Variants in LRRC7 observed in about 807,000 individuals in gnomAD.
The protein encoded by LRRC7 is leucine rich repeat containing 7, also known as leucine-rich repeat-containing protein 7.
Under a neutral mutation model 175.7 loss-of-function variants are expected in LRRC7, and 23 were observed. That is an observed-to-expected ratio of 0.13 (90% CI 0.09 to 0.19). LRRC7 has a LOEUF of 0.19. Among genes scored for constraint, LRRC7 ranks in the 10% least tolerant of loss-of-function variants. LRRC7 has a pLI of 1.00. For missense variants in LRRC7, 1,354 were observed against 1,904.7 expected, an observed-to-expected ratio of 0.71 and a Z score of 5.38; for synonymous variants, 685 against 680.9, an observed-to-expected ratio of 1.01 and a Z score of -0.09.
At chr1:69,718,026 GAAA>G (rs1289807714) in intron 2 of LRRC7, among the ~76,000 whole-genome samples, 1 of 140,970 alleles carries the variant, frequency 7.1e-6, no homozygotes, top group Non-Finnish European at 1.6e-5. Context: ...AGACTAGAAA[GAAA>G]AAGAAGAAAG....
At chr1:70,097,408 A>G (rs1434323691) in intron 25 of LRRC7, among the ~76,000 whole-genome samples, 1 of 151,962 alleles carries the variant, frequency 6.6e-6, no homozygotes, top group Non-Finnish European at 1.5e-5. Context: ...CACTTCAAAA[A>G]CCTTATTTTA....
chr1:69,856,363 T>C (rs1683625829), intron 7 of LRRC7, among the ~76,000 whole-genome samples: 1 of 151,996 alleles, frequency 6.6e-6, no homozygotes, highest in Admixed American at 6.6e-5. Flanking sequence ...GATAGACCAC[T>C]AGCAAGACTA....
chr1:70,119,668 A>AC (rs2102241244), intron 26 of LRRC7, among the ~76,000 whole-genome samples: 1 of 152,280 alleles, frequency 6.6e-6, no homozygotes, highest in South Asian at 2.1e-4. Context: ...GATATTTTTA[A>AC]CATTGATACG....
chr1:69,913,499 C>T lies in LRRC7; in HGVS notation c.648-18008C>T, dbSNP rs140520253. 3.3e-3 allele frequency among the ~76,000 whole-genome samples: 496 copies of T among 152,032 alleles called. 2 individuals carry two copies. The highest frequency in any genetic ancestry group is 0.011 in the African/African-American group (447 of 41,500). ...TACATATTCTCATAATGAGGTGTTCCAGAAGTTTCCTTTTTTTTTGTTTTT... is the reference window on the plus strand; with the variant it reads ...TACATATTCTCATAATGAGGTGTTCTAGAAGTTTCCTTTTTTTTTGTTTTT... On this transcript the variant is annotated intron_variant, in intron 7 of 26. Transcript: ENST00000651989.
intron 1 of LRRC7, among the ~76,000 whole-genome samples, chr1:69,617,624 T>C (rs1437463193): frequency 7.1e-6 from 1 of 141,648 alleles, no homozygotes; most frequent in Non-Finnish European, 1.5e-5. Context: ...GTGGAGGAAA[T>C]GATTTTGTCT....
At chr1:69,909,925 G>T (rs544171101) in intron 7 of LRRC7, among the ~76,000 whole-genome samples, 1 of 151,594 alleles carries the variant, frequency 6.6e-6, no homozygotes, top group South Asian at 2.1e-4. Flanking sequence ...ACATAGATTT[G>T]GTCTTTTCAC....
intron 4 of LRRC7, among the ~76,000 whole-genome samples, chr1:69,815,373 G>A (rs1476100249): frequency 6.6e-6 from 1 of 152,150 alleles, no homozygotes; most frequent in Non-Finnish European, 1.5e-5. Context: ...TTTCAGCTCA[G>A]TTAAGTTTAA....
chr1:70,072,115 A>C (rs571795457), intron 23 of LRRC7, among the ~76,000 whole-genome samples: 4 of 152,304 alleles, frequency 2.6e-5, no homozygotes, highest in African/African-American at 9.6e-5. Context: ...CAACTTCAAA[A>C]CAACATACTC....
intron 3 of LRRC7, among the ~76,000 whole-genome samples, chr1:69,790,996 G>A (rs754382347): frequency 2.8e-4 from 43 of 151,944 alleles, no homozygotes; most frequent in Non-Finnish European, 4.6e-4. Context: ...GTTTTTGCCT[G>A]TAAATAACGA....
chr1:70,059,468 GAAGA>G (rs1283375782), intron 23 of LRRC7, among the ~76,000 whole-genome samples: 7 of 131,172 alleles, frequency 5.3e-5, no homozygotes, highest in Middle Eastern at 3.7e-3. Context: ...GAAGAAACTA[GAAGA>G]AAGTGTGTGT....
At chr1:69,850,771 AT>A (rs372771123) in intron 7 of LRRC7, among the ~76,000 whole-genome samples, 190 of 152,238 alleles carry the variant, frequency 1.2e-3, no homozygotes, top group African/African-American at 4.1e-3. Flanking sequence ...GGAATTGGGA[AT>A]TTGATATTGG....
Position 69,854,323 on chromosome 1 carries a change from T to C in LRRC7, c.647+16040T>C, listed in dbSNP as rs560606347. Among the ~76,000 whole-genome samples, 98 of 152,046 alleles carry C rather than the reference T, an allele frequency of 6.4e-4. 1 individual carries two copies. Among genetic ancestry groups the C allele is most frequent in the African/African-American group, 2.1e-3 (89 of 41,488 alleles). ...GACTAGCCTGGACAATGTGGTAAGA[T>C]CCCATCTCTACAAAAAAATAAATTT... On this transcript the variant is annotated intron_variant, in intron 7 of 26. Transcript: ENST00000651989.
chr1:69,617,660 C>T (rs182390343), intron 1 of LRRC7, among the ~76,000 whole-genome samples: 121 of 151,102 alleles, frequency 8.0e-4, no homozygotes, highest in African/African-American at 2.6e-3. Context: ...TGGGCCCTTA[C>T]GGTAGTCGGT....
At chr1:70,054,257 C>G (rs1441601791) in intron 23 of LRRC7, among the ~76,000 whole-genome samples, 7 of 151,924 alleles carry the variant, frequency 4.6e-5, no homozygotes, top group Non-Finnish European at 8.8e-5. Context: ...AGGAATATTT[C>G]AAAGCAATAA....
At chr1:69,834,713 C>G in intron 5 of LRRC7, 67 bp from the exon 6 acceptor site, 1 of 1,124,732 alleles carries the variant, frequency 8.9e-7, no homozygotes, top group African/African-American at 1.6e-5. Context: ...CTCAGAGATA[C>G]ATATTTTTTT....
chr1:69,624,082 T>A (rs1651095021), intron 1 of LRRC7, among the ~76,000 whole-genome samples: 1 of 152,130 alleles, frequency 6.6e-6, no homozygotes, highest in African/African-American at 2.4e-5. Context: ...AAACATATAC[T>A]CAACTCCAGG....
At chr1:69,991,105 A>G (rs116590762) in intron 10 of LRRC7, among the ~76,000 whole-genome samples, 2,304 of 151,374 alleles carry the variant, frequency 0.015, 56 homozygotes, top group African/African-American at 0.051. Context: ...GCAGAGAGCT[A>G]TGATTGTACC....
intron 7 of LRRC7, among the ~76,000 whole-genome samples, chr1:69,917,031 C>T (rs1234979848): frequency 6.6e-6 from 1 of 151,984 alleles, no homozygotes; most frequent in African/African-American, 2.4e-5. Flanking sequence ...ATAATAAAAG[C>T]AATGATTTAG....
At chr1:69,601,055 A>C (rs1457063301) in intron 1 of LRRC7, among the ~76,000 whole-genome samples, 1 of 152,014 alleles carries the variant, frequency 6.6e-6, no homozygotes, top group Non-Finnish European at 1.5e-5. Flanking sequence ...ACCTCAGGTG[A>C]TCCGCCTGCC....
Sources: allele counts gnomAD v4.1 joint callset (sites outside exome capture counted in the v4.1 genomes callset), GRCh38; gene constraint gnomAD v4.1.1; transcripts MANE v1.5; gene names NCBI Gene and HGNC (gene_info 2026-07-23, HGNC 2026-07-21).